GFRA1: variants seen among roughly 807,000 people sequenced by gnomAD.
GFRA1 encodes the protein GDNF family receptor alpha-1.
In GFRA1, 16 loss-of-function variants were observed where a neutral mutation model predicts 51.6. The ratio of observed to expected loss-of-function variants is 0.31; its 90% CI spans 0.21 to 0.47. GFRA1 has a LOEUF of 0.47. GFRA1 is among the 20% of genes least tolerant of loss of function. The probability of loss-of-function intolerance (pLI) is 1.00; values close to 1 mark genes in which losing one functional copy is unlikely to be tolerated. For synonymous variants in GFRA1, 270 were observed against 241.3 expected, an observed-to-expected ratio of 1.12 and a Z score of -1.10; for missense variants, 530 against 594.3, an observed-to-expected ratio of 0.89 and a Z score of 1.13.
chr10:116,057,990 T>TTTTGTGTGTGTGTGTGTG lies in GFRA1; in HGVS notation c.*6407_*6408insCACACACACACACACAAA. 7.8e-6 allele frequency: 1 copy of TTTTGTGTGTGTGTGTGTG among 129,028 alleles called. No homozygotes were observed. Among genetic ancestry groups the TTTTGTGTGTGTGTGTGTG allele is most frequent in the Non-Finnish European group, 1.6e-5 (1 of 62,292 alleles). 8.0% of individuals were successfully genotyped at this position (129,028 alleles called of 1,614,324 possible). A position where few individuals can be genotyped will look rare whatever the true frequency, so the allele number is the denominator to read the frequency against. On this transcript the variant is annotated 3_prime_UTR_variant, in exon 11 of 11. Transcript: ENST00000355422. ...GCTGGATCATATAGCCCTCCAATCA[T>TTTTGTGTGTGTGTGTGTG]TGTGTGTGTGTGTGTGTGTGTGTGT...
chr10:116,113,255 G>A (rs72834559), intron 6 of GFRA1, among the ~76,000 whole-genome samples: 5,525 of 149,322 alleles, frequency 0.037, 134 homozygotes, highest in South Asian at 0.058. Context: ...AACATGTAAT[G>A]AGCTGCTCGA....
intron 5 of GFRA1, among the ~76,000 whole-genome samples, chr10:116,134,897 G>A (rs1958258373): frequency 6.6e-6 from 1 of 152,208 alleles, no homozygotes; most frequent in Admixed American, 6.5e-5. Flanking sequence ...TCTCCTGTAA[G>A]TGGTGTGCAA....
At chr10:116,274,498 G>A (rs1844145692), upstream of GFRA1, among the ~76,000 whole-genome samples, 1 of 152,178 alleles carries the variant, frequency 6.6e-6, no homozygotes, top group East Asian at 1.9e-4. Flanking sequence ...AGAAGAAGAG[G>A]AGGAAGGAGG....
chr10:116,250,820 C>T (rs1314990788), intron 4 of GFRA1, among the ~76,000 whole-genome samples: 1 of 152,218 alleles, frequency 6.6e-6, no homozygotes, highest in Non-Finnish European at 1.5e-5. Flanking sequence ...GGTCCCATTG[C>T]TAGCCCCCTG....
chr10:116,162,806 GAAAA>G (rs994871940), intron 5 of GFRA1, among the ~76,000 whole-genome samples: 1 of 151,032 alleles, frequency 6.6e-6, no homozygotes, highest in South Asian at 2.1e-4. Flanking sequence ...ATAAAAGAAA[GAAAA>G]AAAAAAGGAC....
At chr10:116,065,530 T>C in intron 10 of GFRA1, 43 bp downstream of exon 10, 1 of 1,531,212 alleles carries the variant, frequency 6.5e-7, no homozygotes, top group Non-Finnish European at 9.0e-7. Flanking sequence ...CCAAAGGCTA[T>C]GTTTCTATAA....
At chr10:116,212,945 C>T (rs1029121516) in intron 4 of GFRA1, among the ~76,000 whole-genome samples, 4 of 152,212 alleles carry the variant, frequency 2.6e-5, no homozygotes, top group African/African-American at 9.6e-5. Context: ...CCGCCTCCCA[C>T]TCACTCCAAA....
rs1183535722 is a variant in GFRA1, at chr10:116,272,843, C to T, written c.-247+320G>A. On this transcript the variant is annotated intron_variant, in intron 1 of 10. Transcript: ENST00000355422. This position sits in a 1 kb window ranked among gnomAD's most constrained non-coding sequence, Gnocchi z 4.4. ...CGATGTCCCGACTGGGGCTGAAACC[C>T]GGTTCCTGCGCCCCTACCCCCTACC... is the stretch of plus-strand genomic sequence containing the variant. 6.6e-6 allele frequency: 1 copy of T among 152,358 alleles called. No individual in the cohort carries two copies. Among genetic ancestry groups the T allele is most frequent in the Non-Finnish European group, 1.5e-5 (1 of 68,232 alleles). The allele number at this position is 152,358 out of a possible 1,614,324, so 9.4% of individuals were successfully genotyped here.
intron 5 of GFRA1, among the ~76,000 whole-genome samples, chr10:116,174,933 A>G (rs186462815): frequency 7.2e-5 from 11 of 152,298 alleles, no homozygotes; most frequent in Admixed American, 5.2e-4. Context: ...ACCGTTCCTT[A>G]TAACTGATGA....
At chr10:116,133,672 T>C (rs1466119859) in intron 5 of GFRA1, among the ~76,000 whole-genome samples, 1 of 152,258 alleles carries the variant, frequency 6.6e-6, no homozygotes, top group Non-Finnish European at 1.5e-5. Context: ...AATGTGGTGA[T>C]GAGGGACAGA....
intron 4 of GFRA1, among the ~76,000 whole-genome samples, chr10:116,243,888 T>G (rs1326661052): frequency 6.6e-6 from 1 of 152,158 alleles, no homozygotes; most frequent in African/African-American, 2.4e-5. Flanking sequence ...CTCACTGGCC[T>G]GGGGACAAGA....
At chr10:116,091,209 C>CTCAT (rs1207697925) in intron 8 of GFRA1, among the ~76,000 whole-genome samples, 8 of 152,202 alleles carry the variant, frequency 5.3e-5, no homozygotes, top group Admixed American at 2.0e-4. Flanking sequence ...TGTTCACTTG[C>CTCAT]TCATTCATTC....
chr10:116,194,327 A>G (rs1170810223), intron 5 of GFRA1, among the ~76,000 whole-genome samples: 1 of 152,210 alleles, frequency 6.6e-6, no homozygotes, highest in Non-Finnish European at 1.5e-5. Flanking sequence ...AAGCAAACAA[A>G]GCCATTTCCA....
rs573229907 is a variant in GFRA1, at chr10:116,076,038, C to T, written c.1198-10412G>A. 1.6e-4 allele frequency among the ~76,000 whole-genome samples: 24 copies of T among 152,192 alleles called. No individual in the cohort carries two copies. In the South Asian group the frequency reaches 2.1e-3, roughly 13 times the overall value. The stretch of plus-strand genomic sequence containing the variant: ...GGATTACAGGCGTGACCACCGTGCC[C>T]GGCCAAGCTCTATTATCTTAAAGTG... On this transcript the variant is annotated intron_variant, in intron 9 of 10. Transcript: ENST00000355422.
intron 4 of GFRA1, among the ~76,000 whole-genome samples, chr10:116,243,494 C>G (rs953181691): frequency 3.7e-5 from 5 of 136,760 alleles, no homozygotes; most frequent in Non-Finnish European, 7.9e-5. Flanking sequence ...CCCTGCCCCC[C>G]AAAAAAGAGA....
In GFRA1 at chr10:116,127,563, A is replaced by T. The variant is rs888173217; in HGVS notation, c.434-2006T>A. Among the ~76,000 whole-genome samples the T allele has an allele frequency of 3.3e-5, 5 of 152,302 alleles. No individual in the cohort carries two copies. The South Asian group carries it at 1.0e-3, about 32-fold the overall frequency. ...GAGTACAGGAAGTTGGCAGCTGCAC[A>T]TCCATCCCGGCTTTAACAAGCACAC... On this transcript the variant is annotated intron_variant, in intron 5 of 10. Transcript: ENST00000355422.
intron 5 of GFRA1, among the ~76,000 whole-genome samples, chr10:116,135,164 C>T (rs1465973182): frequency 6.6e-6 from 1 of 152,168 alleles, no homozygotes; most frequent in African/African-American, 2.4e-5. Flanking sequence ...GATGGAGGGA[C>T]AGGCATTTGG....
In GFRA1 at chr10:116,071,693, CTCT is replaced by C. The variant is rs555608737; in HGVS notation, c.1198-6070_1198-6068del. Among the ~76,000 whole-genome samples the C allele has an allele frequency of 3.5e-3, 535 of 152,288 alleles. 6 individuals carry two copies. The highest frequency in any genetic ancestry group is 0.012 in the African/African-American group (514 of 41,566). The stretch of plus-strand genomic sequence containing the variant: ...TAGTGCCAAGCCTAGATCAGAAACC[CTCT>C]TCTTTGACCTGACTGGGGACTGGGC... On this transcript the variant is annotated intron_variant, in intron 9 of 10. Transcript: ENST00000355422.
Position 116,125,300 on chromosome 10 carries a change from G to A in GFRA1, c.691C>T (p.Pro231Ser). Residue 231 changes from proline (P) to serine (S), a missense_variant, in exon 6 of 11, where the codon CCT becomes TCT. Physicochemically the swap from Pro to Ser is moderately conservative, Grantham distance 74 (BLOSUM62 -1). Transcript: ENST00000355422. ...CTERRRQTIVPVCSYEEREKP... is the reference protein window; with the variant it reads ...CTERRRQTIVSVCSYEEREKP... ...TCCCTCTCTTCATAGGAGCACACAG[G>A]CACGATGGTCTGTCGCCTCCGCTCT... 6.2e-7 allele frequency: 1 copy of A among 1,614,216 alleles called. No homozygotes were observed. Among genetic ancestry groups the A allele is most frequent in the Non-Finnish European group, 8.5e-7 (1 of 1,180,038 alleles).
Sources: allele counts gnomAD v4.1 joint callset (sites outside exome capture counted in the v4.1 genomes callset), GRCh38; gene constraint gnomAD v4.1.1; non-coding constraint Gnocchi (gnomAD v3.1); transcripts MANE v1.5; gene names NCBI Gene and HGNC (gene_info 2026-07-23, HGNC 2026-07-21).